Variants in MICU1 observed in about 807,000 individuals in gnomAD.
The protein encoded by MICU1 is calcium uptake protein 1, mitochondrial.
In MICU1, 45 loss-of-function variants were observed where a neutral mutation model predicts 56.8. The observed-to-expected ratio is 0.79, with a 90% CI of 0.62 to 1.02. The LOEUF (loss-of-function observed/expected upper bound fraction) is 1.02, where lower values mean the gene tolerates loss of function less well. Among genes scored for constraint, MICU1 ranks in the 50% least tolerant of loss-of-function variants. MICU1 has a pLI of 0.00. For missense variants in MICU1, 504 were observed against 587.1 expected (o/e 0.86, Z 1.46); for synonymous variants, 186 against 195.1 (o/e 0.95, Z 0.39).
intron 1 of MICU1, among the ~76,000 whole-genome samples, chr10:72,605,493 TC>T (rs1290851327): frequency 3.3e-5 from 5 of 152,242 alleles, no homozygotes; most frequent in Non-Finnish European, 5.9e-5. Flanking sequence ...CTCACTTTAC[TC>T]TATGCTTGCT....
At chr10:72,598,290 C>T (rs939591060) in intron 1 of MICU1, among the ~76,000 whole-genome samples, 4 of 151,954 alleles carry the variant, frequency 2.6e-5, no homozygotes, top group Non-Finnish European at 5.9e-5. Flanking sequence ...GACCCTTGCC[C>T]TGTCGCCCAG....
At chr10:72,508,290 A>G in intron 5 of MICU1, 21 bp from the exon 6 acceptor site, 1 of 1,105,246 alleles carries the variant, frequency 9.0e-7, no homozygotes. Flanking sequence ...TATGGGTCCC[A>G]CCAAAAGACA....
At chr10:72,456,954 T>TGTGTGGGTGTGG (rs1411583008) in intron 8 of MICU1, among the ~76,000 whole-genome samples, 1 of 137,210 alleles carries the variant, frequency 7.3e-6, no homozygotes, top group African/African-American at 3.4e-5. Context: ...CAGGTGTGTG[T>TGTGTGGGTGTGG]GTGTGTGTGT....
chr10:72,570,148 T>C (rs1219799258), intron 1 of MICU1, among the ~76,000 whole-genome samples: 1 of 152,200 alleles, frequency 6.6e-6, no homozygotes, highest in African/African-American at 2.4e-5. Flanking sequence ...TCTTACCATA[T>C]TGGCCAGGCT....
intron 6 of MICU1, among the ~76,000 whole-genome samples, chr10:72,506,589 A>G (rs1199666904): frequency 6.6e-6 from 1 of 152,216 alleles, no homozygotes; most frequent in African/African-American, 2.4e-5. Flanking sequence ...ATGTTGTGAC[A>G]GAATAAAAAA....
At chr10:72,491,509 G>A (rs1866654174) in intron 6 of MICU1, among the ~76,000 whole-genome samples, 1 of 152,150 alleles carries the variant, frequency 6.6e-6, no homozygotes, top group African/African-American at 2.4e-5. Context: ...AGTGAGCACA[G>A]AAAGACTAAC....
At chr10:72,607,475 C>G (rs1386384770) in intron 1 of MICU1, among the ~76,000 whole-genome samples, 1 of 151,442 alleles carries the variant, frequency 6.6e-6, no homozygotes, top group Non-Finnish European at 1.5e-5. Context: ...CCTGTCTCTA[C>G]TAAAATACAA....
At chr10:72,505,996 C>CGA (rs1867236009) in intron 6 of MICU1, among the ~76,000 whole-genome samples, 1 of 138,396 alleles carries the variant, frequency 7.2e-6, no homozygotes, top group South Asian at 2.2e-4. Context: ...AACAAGCAAG[C>CGA]AAAAAAAAAA....
At chr10:72,558,951 G>A (rs1187026460) in intron 3 of MICU1, among the ~76,000 whole-genome samples, 1 of 152,156 alleles carries the variant, frequency 6.6e-6, no homozygotes, top group African/African-American at 2.4e-5. Flanking sequence ...CCAGAAGTTC[G>A]AGACTGCGGT....
At chr10:72,567,252 G>A (rs554857176) in intron 1 of MICU1, among the ~76,000 whole-genome samples, 2 of 152,176 alleles carry the variant, frequency 1.3e-5, no homozygotes, top group South Asian at 4.2e-4. Context: ...GCTGAGGTGA[G>A]AGCACTACTT....
intron 1 of MICU1, among the ~76,000 whole-genome samples, chr10:72,569,237 A>ATATATATATATT: frequency 8.7e-5 from 3 of 34,378 alleles, no homozygotes; most frequent in South Asian, 1.4e-3. Flanking sequence ...ATATATATAT[A>ATATATATATATT]TTTTTTTTTT....
chr10:72,568,378 CTTCTCT>C lies in MICU1; in HGVS notation c.-1-1590_-1-1585del, dbSNP rs777598835. Among the ~76,000 whole-genome samples, 4 of 152,202 alleles carry C rather than the reference CTTCTCT, an allele frequency of 2.6e-5. No individual in the cohort carries two copies. The South Asian group carries it at 6.2e-4, about 24-fold the overall frequency. On this transcript the variant is annotated intron_variant, in intron 1 of 11. Coordinates refer to ENST00000361114, the MANE Select transcript of MICU1 (RefSeq NM_001195518.2). Reference sequence around the variant, plus strand: ...ATATGAATGCCAGGTCATAAATTTCCTTCTCTTTAAGTTTTTGGCGTATGTCTTGCC... The same window carrying C: ...ATATGAATGCCAGGTCATAAATTTCCTTAAGTTTTTGGCGTATGTCTTGCC...
intron 10 of MICU1, among the ~76,000 whole-genome samples, chr10:72,384,754 C>T (rs1243296560): frequency 4.6e-5 from 7 of 152,140 alleles, no homozygotes; most frequent in Non-Finnish European, 1.0e-4. Context: ...GCTTCCTTGC[C>T]TACATCATGA....
In MICU1 at chr10:72,457,457, A is replaced by G. The variant is rs368416210; in HGVS notation, c.933+17643T>C. ...GCTGGTCTCGAACTCTATAGACTCA[A>G]GTGATCCTCCCACCCTGGCCTCCCA... On this transcript the variant is annotated intron_variant, in intron 8 of 11. Transcript: ENST00000361114. Among the ~76,000 whole-genome samples, 34 of 151,532 alleles carry G rather than the reference A, an allele frequency of 2.2e-4. No individual in the cohort carries two copies. In the East Asian group the frequency reaches 3.9e-3, roughly 17 times the overall value.
At chr10:72,430,594 T>C (rs1246418907) in intron 8 of MICU1, among the ~76,000 whole-genome samples, 2 of 152,180 alleles carry the variant, frequency 1.3e-5, no homozygotes, top group Non-Finnish European at 2.9e-5. Flanking sequence ...AGGGTCTCGC[T>C]CTGTTGCCCA....
intron 5 of MICU1, among the ~76,000 whole-genome samples, chr10:72,527,141 C>G (rs558072403): frequency 6.6e-6 from 1 of 151,886 alleles, no homozygotes; most frequent in South Asian, 2.1e-4. Context: ...TGTACTTTAT[C>G]AAAGCAGAAA....
chr10:72,454,789 AAAAAAAAAAC>A (rs1415562067), intron 8 of MICU1, among the ~76,000 whole-genome samples: 1 of 151,094 alleles, frequency 6.6e-6, no homozygotes, highest in Non-Finnish European at 1.5e-5. Flanking sequence ...TCTCAAAAAA[AAAAAAAAAAC>A]AAAAAACAAA....
chr10:72,518,064 G>C (rs1353422471), intron 5 of MICU1, among the ~76,000 whole-genome samples: 2 of 146,924 alleles, frequency 1.4e-5, no homozygotes, highest in African/African-American at 5.0e-5. Flanking sequence ...ATGGAGTGTT[G>C]CTCTGTCCGC....
intron 4 of MICU1, among the ~76,000 whole-genome samples, chr10:72,540,942 A>T (rs1206136527): frequency 6.6e-6 from 1 of 152,250 alleles, no homozygotes; most frequent in African/African-American, 2.4e-5. Context: ...AAGCAGGCTG[A>T]CAAATCTGCT....
Sources: allele counts gnomAD v4.1 joint callset (sites outside exome capture counted in the v4.1 genomes callset), GRCh38; gene constraint gnomAD v4.1.1; transcripts MANE v1.5; gene names NCBI Gene and HGNC (gene_info 2026-07-23, HGNC 2026-07-21).